The following KCNU1 variants were observed in gnomAD, a reference collection of about 807,000 sequenced individuals.
The protein encoded by KCNU1 is potassium calcium-activated channel subfamily U member 1.
In KCNU1, 93 loss-of-function variants were observed where a neutral mutation model predicts 126.8. The ratio of observed to expected loss-of-function variants is 0.73; its 90% CI spans 0.62 to 0.87. The LOEUF is 0.87. Among genes scored for constraint, KCNU1 ranks in the 40% least tolerant of loss-of-function variants. The pLI is 0.00. For missense variants in KCNU1, 1,330 were observed against 1,367.1 expected (o/e 0.97, Z 0.43); for synonymous variants, 523 against 494.2 (o/e 1.06, Z -0.77).
At chr8:36,888,972 T>C (rs1376041254) in intron 19 of KCNU1, 2 of 398,734 alleles carry the variant, frequency 5.0e-6, no homozygotes, top group Non-Finnish European at 1.0e-5. Flanking sequence ...TCTGCCTCCT[T>C]TGTTCAAGTG....
chr8:36,806,469 T>C, intron 5 of KCNU1, 89 bp downstream of exon 5: 1 of 695,250 alleles, frequency 1.4e-6, no homozygotes. Flanking sequence ...TCATTTGTTC[T>C]TAATGCCTGA....
chr8:36,815,118 G>A (rs993957410), intron 8 of KCNU1, among the ~76,000 whole-genome samples: 1 of 152,082 alleles, frequency 6.6e-6, no homozygotes, highest in Admixed American at 6.6e-5. Flanking sequence ...ATTACCTGAG[G>A]TCAGGAGTTC....
At chr8:36,915,026 G>A (rs1464863294) in intron 22 of KCNU1, among the ~76,000 whole-genome samples, 2 of 152,184 alleles carry the variant, frequency 1.3e-5, no homozygotes, top group African/African-American at 2.4e-5. Context: ...TGGAAATTCA[G>A]ATGCTGTCCT....
Position 36,787,326 on chromosome 8 carries a change from C to T in KCNU1, c.216C>T (p.Thr72=). The change falls in exon 2 of 27, where the codon ACC becomes ACT. Residue 72 remains threonine, a synonymous_variant. Transcript: ENST00000399881. The part of the protein sequence containing the change: ...GIILELFTSG[T]IARSHVRSLH... Reference sequence around the variant, plus strand: ...TGTAGGAACTGTTCACATCAGGTACCATCGCTAGGAGCCATGTAAGAAGCC... The same window carrying T: ...TGTAGGAACTGTTCACATCAGGTACTATCGCTAGGAGCCATGTAAGAAGCC... The T allele has an allele frequency of 6.2e-7, 1 of 1,611,102 alleles. No homozygotes were observed. Among genetic ancestry groups the T allele is most frequent in the Non-Finnish European group, 8.5e-7 (1 of 1,178,356 alleles).
chr8:36,860,973 C>T (rs959131350), intron 18 of KCNU1, among the ~76,000 whole-genome samples: 1 of 151,720 alleles, frequency 6.6e-6, no homozygotes, highest in Non-Finnish European at 1.5e-5. Flanking sequence ...GGAATGACCC[C>T]AGCCAACGTT....
intron 16 of KCNU1, 31 bp downstream of exon 16, chr8:36,841,034 GTTTTTTTTTTTTT>G: frequency 3.6e-6 from 2 of 562,564 alleles, no homozygotes; most frequent in Non-Finnish European, 5.6e-6. Flanking sequence ...CTCTTCAGTT[GTTTTTTTTTTTTT>G]TTTTTTTTTC....
Position 36,812,155 on chromosome 8 carries a change from G to A in KCNU1, c.733-2052G>A, listed in dbSNP as rs145351486. The stretch of plus-strand genomic sequence containing the variant: ...GCACTTTGGGAGGCCAAGGAGGGGC[G>A]GATCTCCCGAGGTTGGGAGTTCGAG... On this transcript the variant is annotated intron_variant, in intron 7 of 26. Transcript: ENST00000399881. 9.8e-3 allele frequency among the ~76,000 whole-genome samples: 1,494 copies of A among 151,986 alleles called. 10 individuals are homozygous for A. Among genetic ancestry groups the A allele is most frequent in the Middle Eastern group, 0.014 (4 of 294 alleles).
At chr8:36,825,406 T>C (rs1458079246) in intron 10 of KCNU1, among the ~76,000 whole-genome samples, 1 of 152,208 alleles carries the variant, frequency 6.6e-6, no homozygotes, top group African/African-American at 2.4e-5. Flanking sequence ...GCTTATTTCA[T>C]GTTATAAAAT....
intron 22 of KCNU1, among the ~76,000 whole-genome samples, chr8:36,915,499 A>T (rs1808062358): frequency 6.6e-6 from 1 of 152,244 alleles, no homozygotes; most frequent in Non-Finnish European, 1.5e-5. Context: ...TCCATTGCTT[A>T]CAGCAGCCAG....
At chr8:36,920,796 G>A (rs1361215831) in intron 23 of KCNU1, among the ~76,000 whole-genome samples, 2 of 152,222 alleles carry the variant, frequency 1.3e-5, no homozygotes, top group Admixed American at 6.5e-5. Context: ...AAGTGCACAG[G>A]AGATGTGGAT....
In KCNU1 at chr8:36,911,155, C is replaced by T. The variant is rs374008235; in HGVS notation, c.2521+36C>T. Reference sequence around the variant, plus strand: ...CACCCCTGAAAAGAAGAAACTAGGACGTATGGAAAAAAAGAGATAATTAAC... The same window carrying T: ...CACCCCTGAAAAGAAGAAACTAGGATGTATGGAAAAAAAGAGATAATTAAC... On this transcript the variant is annotated intron_variant, in intron 22 of 26. Coordinates refer to ENST00000399881, the MANE Select transcript of KCNU1 (RefSeq NM_001031836.3). 146 of 1,494,478 alleles carry T rather than the reference C, an allele frequency of 9.8e-5. No individual in the cohort carries two copies. In the African/African-American group the frequency reaches 1.1e-3, roughly 11 times the overall value. 92.6% of individuals were successfully genotyped at this position (1,494,478 alleles called of 1,614,324 possible).
intron 22 of KCNU1, among the ~76,000 whole-genome samples, chr8:36,917,587 C>T (rs556812733): frequency 6.6e-5 from 10 of 152,030 alleles, no homozygotes; most frequent in Middle Eastern, 3.4e-3. Context: ...AACTCCTAGA[C>T]TCAAGCAGTC....
At chr8:36,882,863 G>A (rs1247793838) in intron 19 of KCNU1, among the ~76,000 whole-genome samples, 2 of 152,144 alleles carry the variant, frequency 1.3e-5, no homozygotes, top group South Asian at 2.1e-4. Flanking sequence ...GATTACAGGC[G>A]TGAGCCACCA....
In KCNU1 at chr8:36,873,014, G is replaced by A. The variant is rs774909543; in HGVS notation, c.2009+8493G>A. ...AAATCACTTGAACCTGGGAGGTGGA[G>A]GTTGTAGTGAGCCAAGATTGCACCA... On this transcript the variant is annotated intron_variant, in intron 19 of 26. Transcript: ENST00000399881. 8.4e-4 allele frequency among the ~76,000 whole-genome samples: 128 copies of A among 152,126 alleles called. 2 individuals are homozygous for A. Among genetic ancestry groups the A allele is most frequent in the Admixed American group, 3.9e-4 (6 of 15,266 alleles).
At chr8:36,913,185 C>T (rs73676537) in intron 22 of KCNU1, among the ~76,000 whole-genome samples, 29,279 of 151,740 alleles carry the variant, frequency 0.19, 3,026 homozygotes, top group Middle Eastern at 0.33. Flanking sequence ...GATTTTCCTA[C>T]TTTATTCATT....
intron 4 of KCNU1, 133 bp from the exon 5 acceptor site, chr8:36,806,136 C>G: frequency 1.7e-6 from 1 of 571,536 alleles, no homozygotes; most frequent in Non-Finnish European, 3.1e-6. Context: ...ATATATGTGT[C>G]TGTGTATATG....
intron 19 of KCNU1, among the ~76,000 whole-genome samples, chr8:36,902,730 C>T (rs1045439968): frequency 6.6e-6 from 1 of 152,034 alleles, no homozygotes; most frequent in Non-Finnish European, 1.5e-5. Context: ...AAATCAAGAC[C>T]AGACTCAGGT....
chr8:36,907,452 T>C (rs1374121475), intron 20 of KCNU1, among the ~76,000 whole-genome samples: 2 of 152,128 alleles, frequency 1.3e-5, no homozygotes, highest in Non-Finnish European at 2.9e-5. Flanking sequence ...TTACATTAAA[T>C]ACCGTTAGAG....
chr8:36,858,192 A>AC (rs1365653109), intron 18 of KCNU1, among the ~76,000 whole-genome samples: 1 of 151,732 alleles, frequency 6.6e-6, no homozygotes, highest in African/African-American at 2.4e-5. Context: ...AAAAAAAAAA[A>AC]AAAAAAACTG....
Sources: allele counts gnomAD v4.1 joint callset (sites outside exome capture counted in the v4.1 genomes callset), GRCh38; gene constraint gnomAD v4.1.1; transcripts MANE v1.5; gene names NCBI Gene and HGNC (gene_info 2026-07-23, HGNC 2026-07-21).